KIAA1671: variants seen among roughly 807,000 people sequenced by gnomAD.
KIAA1671 encodes the protein KIAA1671.
In KIAA1671, 52 loss-of-function variants were observed where a neutral mutation model predicts 131.2. The ratio of observed to expected loss-of-function variants is 0.40; its 90% CI spans 0.32 to 0.50. The LOEUF (loss-of-function observed/expected upper bound fraction) is 0.50, where lower values mean the gene tolerates loss of function less well. KIAA1671 is among the 20% of genes least tolerant of loss of function. The probability of loss-of-function intolerance (pLI) is 0.73; values close to 1 mark genes in which losing one functional copy is unlikely to be tolerated. For missense variants in KIAA1671, 2,360 were observed against 2,364.2 expected, an observed-to-expected ratio of 1.00 and a Z score of 0.04; for synonymous variants, 1,003 against 961.6, an observed-to-expected ratio of 1.04 and a Z score of -0.80.
intron 1 of KIAA1671, among the ~76,000 whole-genome samples, chr22:25,002,861 C>T (rs1924550156): frequency 6.6e-6 from 1 of 151,910 alleles, no homozygotes; most frequent in African/African-American, 2.4e-5. Context: ...CTAGGTGCAA[C>T]TGCCTCTTCC....
intron 6 of KIAA1671, among the ~76,000 whole-genome samples, chr22:25,101,154 A>G (rs2145896050): frequency 6.6e-6 from 1 of 152,344 alleles, no homozygotes; most frequent in South Asian, 2.1e-4. Context: ...GGCCAAAGAT[A>G]CCAGCAGAGC....
chr22:25,034,807 G>A (rs945356118), intron 4 of KIAA1671, among the ~76,000 whole-genome samples: 6 of 151,666 alleles, frequency 4.0e-5, no homozygotes, highest in Admixed American at 1.3e-4. Context: ...GCGCGATCTC[G>A]GCTCACTGCA....
At chr22:25,189,887 C>CA (rs1934612804) in intron 11 of KIAA1671, among the ~76,000 whole-genome samples, 1 of 152,168 alleles carries the variant, frequency 6.6e-6, no homozygotes. Flanking sequence ...GTTGGAGTTA[C>CA]AGGCATGAGC....
chr22:25,190,688 CTTTGTGGT>C lies in KIAA1671; in HGVS notation c.5343-11_5343-4del. On this transcript the variant is annotated splice_region_variant and splice_polypyrimidine_tract_variant and intron_variant, in intron 11 of 12. Coordinates refer to ENST00000358431, the MANE Select transcript of KIAA1671 (RefSeq NM_001145206.2). ...CTGGTTTCAACTAGTCTCTTACTGG[CTTTGTGGT>C]TTCAGGTCGGATGAACCCTCTCCCC... 1 of 1,549,452 alleles carries C rather than the reference CTTTGTGGT, an allele frequency of 6.5e-7. No homozygotes were observed. The highest frequency in any genetic ancestry group is 8.7e-7 in the Non-Finnish European group (1 of 1,144,936).
At position 25,038,804 on chromosome 22, in the gene KIAA1671, C is replaced by A; in HGVS notation, c.1674C>A (p.Ser558Arg). ...TGGATGGAGCATGCATCCCGAGAAG[C>A]CCCTGGAAGCCTGGGACACTCCGGG... ...HSLDGACIPR[S>R]PWKPGTLRDK... The change falls in exon 5 of 13, where the codon AGC becomes AGA. Residue 558 changes from serine (S) to arginine (R), a missense_variant. Physicochemically the swap from Ser to Arg is moderately radical, Grantham distance 110. Transcript: ENST00000358431. 1.9e-6 allele frequency: 3 copies of A among 1,550,804 alleles called. No homozygotes were observed. Among genetic ancestry groups the A allele is most frequent in the South Asian group, 2.4e-5 (2 of 84,048 alleles).
At chr22:25,042,190 A>G (rs1926966098) in intron 5 of KIAA1671, among the ~76,000 whole-genome samples, 2 of 152,340 alleles carry the variant, frequency 1.3e-5, no homozygotes, top group Non-Finnish European at 2.9e-5. Context: ...CAGCCCAAAC[A>G]AGACTTGTCT....
chr22:25,188,815 G>A (rs561712373), intron 11 of KIAA1671, among the ~76,000 whole-genome samples: 1 of 152,168 alleles, frequency 6.6e-6, no homozygotes, highest in Non-Finnish European at 1.5e-5. Flanking sequence ...AGTAGGCTGA[G>A]GGGGAGGTGG....
At chr22:24,992,334 A>T (rs1402293768) in intron 1 of KIAA1671, among the ~76,000 whole-genome samples, 1 of 152,154 alleles carries the variant, frequency 6.6e-6, no homozygotes, top group African/African-American at 2.4e-5. Flanking sequence ...ACAGGGTCTC[A>T]GATGGAGGGA....
chr22:25,145,512 C>T (rs570860523), intron 6 of KIAA1671, among the ~76,000 whole-genome samples: 10 of 152,246 alleles, frequency 6.6e-5, no homozygotes, highest in Admixed American at 1.3e-4. Flanking sequence ...CCAACCTGTG[C>T]TTCCTCCAGG....
intron 6 of KIAA1671, among the ~76,000 whole-genome samples, chr22:25,078,057 C>G (rs1929209426): frequency 6.6e-6 from 1 of 152,138 alleles, no homozygotes; most frequent in South Asian, 2.1e-4. Context: ...GCTGAGTAAC[C>G]ACCAGATATG....
At chr22:24,958,980 CAAAAA>C (rs59084421) in intron 1 of KIAA1671, among the ~76,000 whole-genome samples, 1 of 77,566 alleles carries the variant, frequency 1.3e-5, no homozygotes, top group Non-Finnish European at 3.0e-5. Context: ...AACTTCGTAT[CAAAAA>C]AAAAAAAAAA....
intron 6 of KIAA1671, among the ~76,000 whole-genome samples, chr22:25,085,715 A>G (rs1929673225): frequency 6.7e-6 from 1 of 148,452 alleles, no homozygotes; most frequent in Admixed American, 6.7e-5. Flanking sequence ...GCACAGCCTG[A>G]TAGACAGTAA....
intron 1 of KIAA1671, among the ~76,000 whole-genome samples, chr22:25,020,293 C>T (rs1262476545): frequency 1.3e-5 from 2 of 152,122 alleles, no homozygotes; most frequent in Non-Finnish European, 2.9e-5. Context: ...TGAGAGAAGG[C>T]ACAAGATGCA....
chr22:25,093,757 TCTCTCTCTCTG>T (rs1568951106), intron 6 of KIAA1671, among the ~76,000 whole-genome samples: 6 of 124,484 alleles, frequency 4.8e-5, no homozygotes, highest in Admixed American at 7.6e-5. Flanking sequence ...TCTCTCTCTC[TCTCTCTCTCTG>T]TCTCTCTCTC....
At chr22:25,063,835 C>G (rs1221517699) in intron 6 of KIAA1671, 1 of 152,214 alleles carries the variant, frequency 6.6e-6, no homozygotes, top group African/African-American at 2.4e-5. Flanking sequence ...CACCTGGACT[C>G]TGTGCTGATG....
At chr22:25,155,363 G>T (rs1933193662) in intron 6 of KIAA1671, among the ~76,000 whole-genome samples, 1 of 152,028 alleles carries the variant, frequency 6.6e-6, no homozygotes, top group Admixed American at 6.5e-5. Flanking sequence ...GCATTTGTGT[G>T]TGTATTATAT....
At chr22:24,974,403 C>T (rs189762052) in intron 1 of KIAA1671, among the ~76,000 whole-genome samples, 39 of 152,148 alleles carry the variant, frequency 2.6e-4, no homozygotes, top group African/African-American at 8.2e-4. Flanking sequence ...GAGGCAGGAA[C>T]TATTCTTATT....
chr22:24,962,135 A>G (rs965793596), intron 1 of KIAA1671, among the ~76,000 whole-genome samples: 10 of 152,168 alleles, frequency 6.6e-5, no homozygotes, highest in African/African-American at 2.4e-4. Flanking sequence ...CTGGCTTACA[A>G]TCCCCTGAGC....
intron 1 of KIAA1671, among the ~76,000 whole-genome samples, chr22:25,000,558 C>T (rs1302197736): frequency 2.0e-5 from 3 of 149,880 alleles, no homozygotes; most frequent in Non-Finnish European, 4.4e-5. Context: ...CACGTCTGGC[C>T]CAGGCTGGAG....
Sources: allele counts gnomAD v4.1 joint callset (sites outside exome capture counted in the v4.1 genomes callset), GRCh38; gene constraint gnomAD v4.1.1; transcripts MANE v1.5; gene names NCBI Gene and HGNC (gene_info 2026-07-23, HGNC 2026-07-21).